Variants in DISC1 observed in about 807,000 individuals in gnomAD.
DISC1 encodes the protein DISC1 scaffold protein, also known as disrupted in schizophrenia 1 protein.
Under a neutral mutation model 84.5 loss-of-function variants are expected in DISC1, and 57 were observed. The ratio of observed to expected loss-of-function variants is 0.67; its 90% CI spans 0.55 to 0.84. The LOEUF (loss-of-function observed/expected upper bound fraction) is 0.84. DISC1 is among the 40% of genes least tolerant of loss of function. The pLI is 0.00. For missense variants in DISC1, 1,000 were observed against 1,057.8 expected (o/e 0.95, Z 0.76); for synonymous variants, 411 against 415.2 (o/e 0.99, Z 0.12).
At chr1:231,719,768 T>C (rs1276548511) in intron 3 of DISC1, among the ~76,000 whole-genome samples, 1 of 152,372 alleles carries the variant, frequency 6.6e-6, no homozygotes, top group Admixed American at 6.5e-5. Flanking sequence ...TCTTAGATAA[T>C]CATTTTCTTA....
intron 1 of DISC1, among the ~76,000 whole-genome samples, chr1:231,666,824 G>C (rs1038563107): frequency 2.0e-4 from 31 of 152,236 alleles, no homozygotes; most frequent in African/African-American, 7.5e-4. Flanking sequence ...AATCTGGAGA[G>C]GAGAGGTCAG....
intron 1 of DISC1, among the ~76,000 whole-genome samples, chr1:231,679,582 T>C (rs2063492530): frequency 1.3e-5 from 2 of 152,260 alleles, no homozygotes; most frequent in Admixed American, 1.3e-4. Context: ...ATTTAAGCAT[T>C]AAAGCATCCC....
At chr1:231,746,776 C>G (rs533157684) in intron 3 of DISC1, among the ~76,000 whole-genome samples, 1 of 151,978 alleles carries the variant, frequency 6.6e-6, no homozygotes, top group African/African-American at 2.4e-5. Context: ...AATGTCTGTT[C>G]GGATTATTTG....
rs77340457 is a variant in DISC1 at position 231,989,477 on chromosome 1, C to T, written c.2043-19308C>T. Among the ~76,000 whole-genome samples the T allele has an allele frequency of 4.6e-4, 70 of 152,220 alleles. 1 individual carries two copies. In the East Asian group the frequency reaches 0.013, roughly 27 times the overall value. ...AAGAGTCCTTGCTCTGGTAGGGAAGCGCATGTACATGGATGATTAAAATAA... is the reference window on the plus strand; with the variant it reads ...AAGAGTCCTTGCTCTGGTAGGGAAGTGCATGTACATGGATGATTAAAATAA... On this transcript the variant is annotated intron_variant, in intron 10 of 12. Transcript: ENST00000439617.
At chr1:231,773,801 C>T (rs1003423679) in intron 6 of DISC1, among the ~76,000 whole-genome samples, 11 of 152,104 alleles carry the variant, frequency 7.2e-5, no homozygotes, top group African/African-American at 2.4e-4. Context: ...TCTGTGGGGT[C>T]CTCTGGGAGA....
intron 3 of DISC1, chr1:231,720,783 G>C: frequency 1.7e-6 from 2 of 1,173,526 alleles, no homozygotes; most frequent in Non-Finnish European, 2.3e-6. Flanking sequence ...CCTTCTCCCA[G>C]ATAGTCACAG....
chr1:231,715,593 A>G (rs560609705), intron 3 of DISC1, among the ~76,000 whole-genome samples: 11 of 152,244 alleles, frequency 7.2e-5, no homozygotes, highest in African/African-American at 2.4e-4. Context: ...AGGTTATCAC[A>G]TATATATACT....
At chr1:231,633,441 G>A (rs541494661) in intron 1 of DISC1, among the ~76,000 whole-genome samples, 30 of 152,166 alleles carry the variant, frequency 2.0e-4, no homozygotes, top group Non-Finnish European at 1.5e-4. Flanking sequence ...CCCTTCCAGT[G>A]CTAAGATGCT....
chr1:231,958,739 A>G (rs1022797590), intron 9 of DISC1, 89 bp from the exon 10 acceptor site: 21 of 1,329,346 alleles, frequency 1.6e-5, no homozygotes, highest in South Asian at 6.1e-5. Flanking sequence ...CTTGACCTCA[A>G]TCCTTTGGCT....
intron 9 of DISC1, among the ~76,000 whole-genome samples, chr1:231,853,464 A>C (rs1408827658): frequency 6.6e-6 from 1 of 152,226 alleles, no homozygotes; most frequent in Non-Finnish European, 1.5e-5. Context: ...TCACACTGTA[A>C]GTATTTGTGT....
At chr1:231,819,193 A>T (rs1290642132) in intron 9 of DISC1, 1 of 903,156 alleles carries the variant, frequency 1.1e-6, no homozygotes, top group East Asian at 1.2e-4. Flanking sequence ...AATAAATGTC[A>T]TTTACTAAAA....
chr1:231,868,941 T>C (rs957281900), intron 9 of DISC1, among the ~76,000 whole-genome samples: 1 of 147,522 alleles, frequency 6.8e-6, no homozygotes, highest in African/African-American at 2.5e-5. Flanking sequence ...AGAGGAGCAA[T>C]GGGGAAATGC....
rs139720946 is a variant in DISC1 at position 231,847,992 on chromosome 1, C to G, written c.1981+29475C>G. Among the ~76,000 whole-genome samples the G allele has an allele frequency of 4.9e-3, 741 of 152,246 alleles. 3 individuals are homozygous for G. The highest frequency in any genetic ancestry group is 7.9e-3 in the Non-Finnish European group (538 of 68,022). On this transcript the variant is annotated intron_variant, in intron 9 of 12. Transcript: ENST00000439617. ...AGCTGCTGGGAAGAATCTGGATGTT[C>G]CTGAAGTCCAAGACTTTATTTTTTT...
intron 10 of DISC1, among the ~76,000 whole-genome samples, chr1:231,964,743 A>G (rs1282906042): frequency 6.6e-6 from 1 of 152,232 alleles, no homozygotes; most frequent in Non-Finnish European, 1.5e-5. Context: ...TCAACATTTT[A>G]CAATAGGAAA....
intron 11 of DISC1, among the ~76,000 whole-genome samples, chr1:232,024,422 A>G (rs1175778517): frequency 1.3e-5 from 2 of 152,196 alleles, no homozygotes; most frequent in Non-Finnish European, 2.9e-5. Context: ...CTTGGATTTA[A>G]TTGTTATTTG....
At chr1:231,641,540 C>T (rs1040704303) in intron 1 of DISC1, among the ~76,000 whole-genome samples, 1 of 152,152 alleles carries the variant, frequency 6.6e-6, no homozygotes, top group African/African-American at 2.4e-5. Flanking sequence ...TTGTTGCAAA[C>T]AGCGAAAGAA....
rs144186601 is a variant in DISC1 at position 231,934,025 on chromosome 1, A to G, written c.1982-24803A>G. ...AGGAGGCTGAAGCCGAGAAGCCAAT[A>G]TTCACTCACCTTTTCAACCTTCGAC... On this transcript the variant is annotated intron_variant, in intron 9 of 12. Transcript: ENST00000439617. Among the ~76,000 whole-genome samples the G allele has an allele frequency of 1.9e-3, 287 of 152,292 alleles. 2 individuals carry two copies. The highest frequency in any genetic ancestry group is 6.8e-3 in the African/African-American group (281 of 41,546).
chr1:231,949,515 T>C (rs1657928193), intron 9 of DISC1, among the ~76,000 whole-genome samples: 1 of 152,164 alleles, frequency 6.6e-6, no homozygotes, highest in Non-Finnish European at 1.5e-5. Context: ...TTGGCCTTTT[T>C]CCTGCCAAAT....
chr1:231,880,271 C>G (rs776992231), intron 9 of DISC1, among the ~76,000 whole-genome samples: 11 of 152,122 alleles, frequency 7.2e-5, no homozygotes, highest in Admixed American at 2.0e-4. Flanking sequence ...CAGATGCTGC[C>G]CCTCGACCTT....
Sources: allele counts gnomAD v4.1 joint callset (sites outside exome capture counted in the v4.1 genomes callset), GRCh38; gene constraint gnomAD v4.1.1; transcripts MANE v1.5; gene names NCBI Gene and HGNC (gene_info 2026-07-23, HGNC 2026-07-21).